CWC15: variants seen among roughly 807,000 people sequenced by gnomAD.
CWC15 encodes CWC15 spliceosome associated protein.
Under a neutral mutation model 28.4 loss-of-function variants are expected in CWC15, and 12 were observed. That is an observed-to-expected ratio of 0.42 (90% CI 0.27 to 0.69). The LOEUF (loss-of-function observed/expected upper bound fraction) is 0.69. Ranked by LOEUF, CWC15 falls within the 30% of genes least tolerant of loss-of-function variation. The pLI, the probability that CWC15 is intolerant of heterozygous loss-of-function variation, is 0.23. For synonymous variants in CWC15, 92 were observed against 88.4 expected (o/e 1.04, Z -0.23); for missense variants, 192 against 271.5 (o/e 0.71, Z 2.06).
Position 94,970,084 on chromosome 11 carries a change from C to T in CWC15, c.346G>A (p.Asp116Asn). 2 of 1,505,372 alleles carry T rather than the reference C, an allele frequency of 1.3e-6. No individual in the cohort carries two copies. The highest frequency in any genetic ancestry group is 9.0e-7 in the Non-Finnish European group (1 of 1,105,074). 93.3% of individuals were successfully genotyped at this position (1,505,372 alleles called of 1,614,324 possible). A position where few individuals can be genotyped will look rare whatever the true frequency, so the allele number is the denominator to read the frequency against. ...TCATCATCACTTTCTTCTTCAAAATCTTCATCTTCCTCCTAAAAGAACAGT... is the reference window on the plus strand; with the variant it reads ...TCATCATCACTTTCTTCTTCAAAATTTTCATCTTCCTCCTAAAAGAACAGT... ...DDPLTDEEDEDFEEESDDDDT... is the reference protein window; with the variant it reads ...DDPLTDEEDENFEEESDDDDT... Residue 116 changes from aspartate to asparagine, a missense_variant, in exon 5 of 7, where the codon GAT becomes AAT. Around this residue, in one of 2 missense-constraint regions of CWC15, gnomAD observed 188 missense variants for 250.3 expected, o/e 0.75. Coordinates refer to ENST00000279839, the MANE Select transcript of CWC15 (RefSeq NM_016403.4).
At chr11:94,972,562 C>T (rs1857737912) in intron 1 of CWC15, among the ~76,000 whole-genome samples, 1 of 152,184 alleles carries the variant, frequency 6.6e-6, no homozygotes, top group Non-Finnish European at 1.5e-5. Flanking sequence ...TAGTAAAATA[C>T]AGTACTGCCA....
intron 1 of CWC15, among the ~76,000 whole-genome samples, chr11:94,972,417 G>A (rs1396340146): frequency 6.6e-6 from 1 of 152,162 alleles, no homozygotes; most frequent in Non-Finnish European, 1.5e-5. Flanking sequence ...CTGTCATGAA[G>A]ATCTGAGTTT....
At chr11:94,966,822 A>G (rs957074496) in intron 5 of CWC15, among the ~76,000 whole-genome samples, 2 of 152,084 alleles carry the variant, frequency 1.3e-5, no homozygotes, top group Non-Finnish European at 2.9e-5. Context: ...TAGCAAAACT[A>G]TTACCTTCAT....
intron 6 of CWC15, among the ~76,000 whole-genome samples, chr11:94,965,503 C>T (rs1209177218): frequency 3.9e-5 from 6 of 152,178 alleles, no homozygotes; most frequent in South Asian, 2.1e-4. Context: ...CTTAGAAATG[C>T]CTGCTTGCAA....
rs1408703727 is a variant in CWC15 at position 94,962,783 on chromosome 11, TCTC to T, written c.*599_*601del. The T allele has an allele frequency of 2.6e-5, 4 of 151,956 alleles. No individual in the cohort carries two copies. Among genetic ancestry groups the T allele is most frequent in the Non-Finnish European group, 5.9e-5 (4 of 68,036 alleles). The allele number at this position is 151,956 out of a possible 1,614,324, so 9.4% of individuals were successfully genotyped here. ...TACTTTAAAAGAATGCTTACAGAGCTCTCCTCTTCGGCCATGAGAAAAAAAAAC... is the reference window on the plus strand; with the variant it reads ...TACTTTAAAAGAATGCTTACAGAGCTCTCTTCGGCCATGAGAAAAAAAAAC... On this transcript the variant is annotated 3_prime_UTR_variant, in exon 7 of 7. Coordinates refer to ENST00000279839, the MANE Select transcript of CWC15 (RefSeq NM_016403.4).
rs1206836282 is a variant in CWC15 at position 94,963,145 on chromosome 11, C to T, written c.*240G>A. 6.8e-6 allele frequency: 2 copies of T among 292,588 alleles called. No homozygotes were observed. The highest frequency in any genetic ancestry group is 2.2e-5 in the African/African-American group (1 of 46,070). The allele number at this position is 292,588 out of a possible 1,614,324, so 18.1% of individuals were successfully genotyped here. A position where few individuals can be genotyped will look rare whatever the true frequency, so the allele number is the denominator to read the frequency against. On this transcript the variant is annotated 3_prime_UTR_variant, in exon 7 of 7. Transcript: ENST00000279839. ...TTATTTAGATTAAAAATATTTATTA[C>T]AGGCAGATTTGCTTTTCCCAGGAAA...
rs147906037 is a variant in CWC15 at position 94,963,157 on chromosome 11, C to A, written c.*228G>T. On this transcript the variant is annotated 3_prime_UTR_variant, in exon 7 of 7. Coordinates refer to ENST00000279839, the MANE Select transcript of CWC15 (RefSeq NM_016403.4). ...AAAATATTTATTACAGGCAGATTTG[C>A]TTTTCCCAGGAAAACATATCACTGG... The A allele has an allele frequency of 1.6e-3, 511 of 319,202 alleles. 3 individuals carry two copies. The highest frequency in any genetic ancestry group is 0.01 in the African/African-American group (491 of 46,832). The allele number at this position is 319,202 out of a possible 1,614,324, so 19.8% of individuals were successfully genotyped here. A position where few individuals can be genotyped will look rare whatever the true frequency, so the allele number is the denominator to read the frequency against.
chr11:94,971,414 C>T lies in CWC15; in HGVS notation c.205G>A (p.Ala69Thr). The T allele has an allele frequency of 6.2e-7, 1 of 1,612,910 alleles. No homozygotes were observed. The highest frequency in any genetic ancestry group is 8.5e-7 in the Non-Finnish European group (1 of 1,179,378). Reference sequence around the variant, plus strand: ...TCCCTATTTTTCTCTCTTGCAGCAGCTCTCTCTCTTTCTTCCAACTCTCTC... The same window carrying T: ...TCCCTATTTTTCTCTCTTGCAGCAGTTCTCTCTCTTTCTTCCAACTCTCTC... ...FRRELEERER[A>T]AAREKNRDRP... Residue 69 changes from alanine (A) to threonine (T), a missense_variant, in exon 3 of 7, where the codon GCT becomes ACT. This residue lies in a region of CWC15 where 188 missense variants were observed against 250.3 expected (regional missense o/e 0.75). Transcript: ENST00000279839.
chr11:94,971,214 G>T, intron 3 of CWC15, 149 bp from the exon 4 acceptor site: 1 of 948,480 alleles, frequency 1.1e-6, no homozygotes, highest in Non-Finnish European at 1.6e-6. Flanking sequence ...TAAGCCTTTG[G>T]TAAATATTTG....
intron 6 of CWC15, among the ~76,000 whole-genome samples, chr11:94,963,825 T>C (rs1181361970): frequency 2.6e-5 from 4 of 152,160 alleles, no homozygotes; most frequent in African/African-American, 4.8e-5. Context: ...TTAGGTCTAA[T>C]AGAAAGAAGC....
intron 3 of CWC15, 68 bp from the exon 4 acceptor site, chr11:94,971,133 C>G: frequency 7.2e-7 from 1 of 1,388,120 alleles, no homozygotes; most frequent in Non-Finnish European, 1.0e-6. Flanking sequence ...GTTTTAGGGA[C>G]CTGTGAGCAC....
At position 94,971,031 on chromosome 11, in the gene CWC15, T is replaced by A. The variant is rs782149972; in HGVS notation, c.279A>T (p.Pro93=). 1 of 1,613,870 alleles carries A rather than the reference T, an allele frequency of 6.2e-7. No individual in the cohort carries two copies. ...HTTSSSVSKK[P]RLDQIPAANL... is the part of the protein sequence containing the mutation. ...TGGCGGCAGGAATCTGGTCTAACCG[T>A]GGCTTTTTTGACACTGAAGAGGAGG... Residue 93 remains proline, a synonymous_variant, in exon 4 of 7, where the codon CCA becomes CCT. Coordinates refer to ENST00000279839, the MANE Select transcript of CWC15 (RefSeq NM_016403.4).
rs1857587486 is a variant in CWC15, at chr11:94,962,874, G to A, written c.*511C>T. 1 of 152,230 alleles carries A rather than the reference G, an allele frequency of 6.6e-6. No homozygotes were observed. The highest frequency in any genetic ancestry group is 2.4e-5 in the African/African-American group (1 of 41,424). The allele number at this position is 152,230 out of a possible 1,614,324, so 9.4% of individuals were successfully genotyped here. Reference sequence around the variant, plus strand: ...CAGACACACGCCTGGGGTGCTTACTGTCAATGACACTCCTCCACACCAACA... The same window carrying A: ...CAGACACACGCCTGGGGTGCTTACTATCAATGACACTCCTCCACACCAACA... On this transcript the variant is annotated 3_prime_UTR_variant, in exon 7 of 7. Coordinates refer to ENST00000279839, the MANE Select transcript of CWC15 (RefSeq NM_016403.4).
chr11:94,972,268 T>C (rs1857732765), intron 1 of CWC15, 75 bp from the exon 2 acceptor site: 19 of 1,378,826 alleles, frequency 1.4e-5, no homozygotes, highest in South Asian at 2.7e-5. Flanking sequence ...TCAATATCCA[T>C]ACTGGTAAAA....
At chr11:94,972,352 G>A (rs1207440842) in intron 1 of CWC15, among the ~76,000 whole-genome samples, 159 bp from the exon 2 acceptor site, 1 of 152,078 alleles carries the variant, frequency 6.6e-6, no homozygotes, top group Admixed American at 6.5e-5. Context: ...CAAATTATGA[G>A]GCTTAGGCTG....
chr11:94,966,240 C>T (rs782262227), intron 6 of CWC15, 55 bp downstream of exon 6: 98 of 788,262 alleles, frequency 1.2e-4, no homozygotes, highest in African/African-American at 1.2e-3. Flanking sequence ...CACACACACA[C>T]ACACACACAC....
rs191159733 is a variant in CWC15 at position 94,971,068 on chromosome 11, G to A, written c.245-3C>T. 2.5e-6 allele frequency: 4 copies of A among 1,610,796 alleles called. No individual in the cohort carries two copies. The East Asian group carries it at 6.7e-5, about 27-fold the overall frequency. On this transcript the variant is annotated splice_region_variant and splice_polypyrimidine_tract_variant and intron_variant, in intron 3 of 6. Coordinates refer to ENST00000279839, the MANE Select transcript of CWC15 (RefSeq NM_016403.4). Reference sequence around the variant, plus strand: ...CACTGAAGAGGAGGTTGTATGTTCTGGGGGGAAACAAAAATCATTTAACTT... The same window carrying A: ...CACTGAAGAGGAGGTTGTATGTTCTAGGGGGAAACAAAAATCATTTAACTT...
chr11:94,966,226 T>TACACACACACACACACAC lies in CWC15; in HGVS notation c.560+51_560+68dup, dbSNP rs58215154. The TACACACACACACACACAC allele has an allele frequency of 2.8e-5, 19 of 670,738 alleles. No individual in the cohort carries two copies. In the African/African-American group the frequency reaches 3.5e-4, roughly 12 times the overall value. The allele number at this position is 670,738 out of a possible 1,614,324, so 41.5% of individuals were successfully genotyped here. A position where few individuals can be genotyped will look rare whatever the true frequency, so the allele number is the denominator to read the frequency against. On this transcript the variant is annotated intron_variant, in intron 6 of 6. Transcript: ENST00000279839. ...GCCTGTGTGTATACACATACACATA[T>TACACACACACACACACAC]ACACACACACACACACACACACACA...
At position 94,966,282 on chromosome 11, in the gene CWC15, T is replaced by TA; in HGVS notation, c.560+12dup. The stretch of plus-strand genomic sequence containing the variant: ...ACACACACACACTCCATTACTCCGT[T>TA]ACTGTATAGTACCTTCTTTTAACTT... On this transcript the variant is annotated intron_variant, in intron 6 of 6. Coordinates refer to ENST00000279839, the MANE Select transcript of CWC15 (RefSeq NM_016403.4). The TA allele has an allele frequency of 7.6e-7, 1 of 1,309,176 alleles. No individual in the cohort carries two copies. The highest frequency in any genetic ancestry group is 1.1e-6 in the Non-Finnish European group (1 of 927,664). The allele number at this position is 1,309,176 out of a possible 1,614,324, so 81.1% of individuals were successfully genotyped here.
Sources: gnomAD v4.1 joint callset for allele counts (sites outside exome capture counted in the v4.1 genomes callset) on GRCh38, gnomAD v4.1.1 for gene constraint, gnomAD v4.1.1 regional missense constraint, MANE v1.5 for transcripts, NCBI Gene and HGNC (gene_info 2026-07-23, HGNC 2026-07-21) for gene names.